The following ZNF462 variants were observed in gnomAD, a reference collection of about 807,000 sequenced individuals.
The protein encoded by ZNF462 is zinc finger PBX1-interacting protein.
In ZNF462, 10 loss-of-function variants were observed where a neutral mutation model predicts 201.9. The ratio of observed to expected loss-of-function variants is 0.05; its 90% CI spans 0.03 to 0.08. The LOEUF (loss-of-function observed/expected upper bound fraction) is 0.08, where lower values mean the gene tolerates loss of function less well. Ranked by LOEUF, ZNF462 falls within the 10% of genes least tolerant of loss-of-function variation. ZNF462 has a pLI of 1.00. For synonymous variants in ZNF462, 1,227 were observed against 1,193.3 expected, an observed-to-expected ratio of 1.03 and a Z score of -0.58; for missense variants, 2,523 against 3,168.3, an observed-to-expected ratio of 0.80 and a Z score of 4.89.
Position 107,008,929 on chromosome 9 carries a change from C to T in ZNF462, c.7190-616C>T, listed in dbSNP as rs1046321381. 2.6e-5 allele frequency among the ~76,000 whole-genome samples: 4 copies of T among 152,196 alleles called. No individual in the cohort carries two copies. Among genetic ancestry groups the T allele is most frequent in the Admixed American group, 2.6e-4 (4 of 15,288 alleles). Reference sequence around the variant, plus strand: ...ATGTGTTCACATACTGGTTCCCACTCATCCAGATAAATGTTCATGGTAGAT... The same window carrying T: ...ATGTGTTCACATACTGGTTCCCACTTATCCAGATAAATGTTCATGGTAGAT... On this transcript the variant is annotated intron_variant, in intron 11 of 12. Coordinates refer to ENST00000277225, the MANE Select transcript of ZNF462 (RefSeq NM_021224.6). The surrounding 1 kb of genome is among the most constrained non-coding windows in gnomAD (Gnocchi z 4.8).
chr9:106,944,699 A>G (rs1428843957), intron 7 of ZNF462, among the ~76,000 whole-genome samples: 1 of 152,148 alleles, frequency 6.6e-6, no homozygotes, highest in Non-Finnish European at 1.5e-5. Flanking sequence ...TTGTGTATCT[A>G]TTTACCACCC....
chr9:106,885,841 T>A lies in ZNF462; in HGVS notation c.-31+22486T>A, dbSNP rs546043790. On this transcript the variant is annotated intron_variant, in intron 1 of 12. Transcript: ENST00000277225. The surrounding 1 kb of genome is among the most constrained non-coding windows in gnomAD (Gnocchi z 4.1). ...GATGTTTTGGAGCCCACCTGATTCT[T>A]AAGAGTTTCCAGTTCCTCTATCCCT... Among the ~76,000 whole-genome samples, 15 of 152,294 alleles carry A rather than the reference T, an allele frequency of 9.8e-5. No individual in the cohort carries two copies. The East Asian group carries it at 2.9e-3, about 29-fold the overall frequency.
At position 106,920,384 on chromosome 9, in the gene ZNF462, CA is replaced by C. The variant is rs1326540769; in HGVS notation, c.-30-2969del. On this transcript the variant is annotated intron_variant, in intron 1 of 12. Transcript: ENST00000277225. The surrounding 1 kb of genome is among the most constrained non-coding windows in gnomAD (Gnocchi z 4.3). Reference sequence around the variant, plus strand: ...TATTTTCTTCTTCTGTCAGCGTCTTCAGGAGAAATGTGTACACAAAAGCAAG... The same window carrying C: ...TATTTTCTTCTTCTGTCAGCGTCTTCGGAGAAATGTGTACACAAAAGCAAG... Among the ~76,000 whole-genome samples, 1 of 152,162 alleles carries C rather than the reference CA, an allele frequency of 6.6e-6. No homozygotes were observed. Among genetic ancestry groups the C allele is most frequent in the African/African-American group, 2.4e-5 (1 of 41,440 alleles).
rs1705423839 is a variant in ZNF462, at chr9:106,919,096, A to G, written c.-30-4258A>G. ...CTTTATTTCTGGGCTGCAGTCCTTC[A>G]GTCAGAGAACAGGTTAGATCCAGGC... On this transcript the variant is annotated intron_variant, in intron 1 of 12. Transcript: ENST00000277225. The surrounding 1 kb of genome is among the most constrained non-coding windows in gnomAD (Gnocchi z 4.5). 6.6e-6 allele frequency among the ~76,000 whole-genome samples: 1 copy of G among 152,236 alleles called. No individual in the cohort carries two copies. The highest frequency in any genetic ancestry group is 2.4e-5 in the African/African-American group (1 of 41,462).
At position 106,993,784 on chromosome 9, in the gene ZNF462, G is replaced by A. The variant is rs1828477870; in HGVS notation, c.7056+9375G>A. Among the ~76,000 whole-genome samples, 1 of 151,900 alleles carries A rather than the reference G, an allele frequency of 6.6e-6. No homozygotes were observed. Among genetic ancestry groups the A allele is most frequent in the Admixed American group, 6.6e-5 (1 of 15,242 alleles). ...TTTTGAGTCAGGGTCTTGCTCTGTT[G>A]CCCAGGCTGAGGTGCAATGGCGCAA... On this transcript the variant is annotated intron_variant, in intron 10 of 12. Coordinates refer to ENST00000277225, the MANE Select transcript of ZNF462 (RefSeq NM_021224.6). The surrounding 1 kb of genome is among the most constrained non-coding windows in gnomAD (Gnocchi z 4.0).
rs945287854 is a variant in ZNF462 at position 107,008,901 on chromosome 9, G to T, written c.7190-644G>T. Among the ~76,000 whole-genome samples, 18 of 152,332 alleles carry T rather than the reference G, an allele frequency of 1.2e-4. No individual in the cohort carries two copies. The highest frequency in any genetic ancestry group is 4.3e-4 in the African/African-American group (18 of 41,582). On this transcript the variant is annotated intron_variant, in intron 11 of 12. Transcript: ENST00000277225. The surrounding 1 kb of genome is among the most constrained non-coding windows in gnomAD (Gnocchi z 4.8). ...TGGCCAGGATCTCTCAATAGCAGGG[G>T]ACATGTGTTCACATACTGGTTCCCA...
rs201360969 is a variant in ZNF462, at chr9:106,974,128, C to T, written c.6696-9C>T. 82 of 1,613,964 alleles carry T rather than the reference C, an allele frequency of 5.1e-5. 1 individual carries two copies. Among genetic ancestry groups the T allele is most frequent in the Admixed American group, 5.0e-5 (3 of 60,000 alleles). On this transcript the variant is annotated splice_polypyrimidine_tract_variant and intron_variant, in intron 8 of 12. Transcript: ENST00000277225. The surrounding 1 kb of genome is among the most constrained non-coding windows in gnomAD (Gnocchi z 4.0). ...CACGCATCACCTCTCCTCCCAAACT[C>T]TCTCCTAGATCTGCTTTTACTATGC...
At position 106,924,719 on chromosome 9, in the gene ZNF462, G is replaced by A; in HGVS notation, c.807G>A (p.Met269Ile). Residue 269 changes from methionine (M) to isoleucine (I), a missense_variant, in exon 3 of 13, where the codon ATG becomes ATA. Around this residue, in one of 15 missense-constraint regions of ZNF462, gnomAD observed 480 missense variants for 544.4 expected, o/e 0.88. Coordinates refer to ENST00000277225, the MANE Select transcript of ZNF462 (RefSeq NM_021224.6). The surrounding 1 kb of genome is among the most constrained non-coding windows in gnomAD (Gnocchi z 6.2). ...ACATGATGAAGAAACACCGCAGTAT[G>A]GTCAAGATCCTTTCCAGTCTCAGAC... ...CDHMMKKHRS[M>I]VKILSSLRQQ... 2 of 1,614,026 alleles carry A rather than the reference G, an allele frequency of 1.2e-6. No individual in the cohort carries two copies. The highest frequency in any genetic ancestry group is 1.7e-6 in the Non-Finnish European group (2 of 1,180,002).
At chr9:106,964,604 C>G (rs1831988411) in intron 7 of ZNF462, among the ~76,000 whole-genome samples, 1 of 152,010 alleles carries the variant, frequency 6.6e-6, no homozygotes, top group African/African-American at 2.4e-5. Context: ...AGTCTTAGAG[C>G]AGAGTCCTTC....
chr9:106,996,652 G>A (rs1215184160), intron 10 of ZNF462, among the ~76,000 whole-genome samples: 1 of 152,114 alleles, frequency 6.6e-6, no homozygotes, highest in Non-Finnish European at 1.5e-5. Context: ...CCCACTTTTT[G>A]ATGGGGTTGT....
At chr9:106,863,980 T>C (rs1827174274) in intron 1 of ZNF462, among the ~76,000 whole-genome samples, 2 of 149,618 alleles carry the variant, frequency 1.3e-5, no homozygotes. Flanking sequence ...TGTCTGCCTG[T>C]CCCCCGCCCG....
At chr9:106,912,322 C>T (rs1271147683) in intron 1 of ZNF462, among the ~76,000 whole-genome samples, 2 of 152,238 alleles carry the variant, frequency 1.3e-5, no homozygotes, top group Non-Finnish European at 1.5e-5. Context: ...TTGTCAGCAA[C>T]TTTCAGTCTT....
intron 1 of ZNF462, among the ~76,000 whole-genome samples, chr9:106,871,543 G>T (rs973520364): frequency 6.6e-6 from 1 of 152,178 alleles, no homozygotes; most frequent in Non-Finnish European, 1.5e-5. Flanking sequence ...TTAAGAAAGC[G>T]ATTATAGCAA....
At position 107,006,416 on chromosome 9, in the gene ZNF462, T is replaced by C. The variant is rs909811095; in HGVS notation, c.7189+2990T>C. 2.0e-5 allele frequency among the ~76,000 whole-genome samples: 3 copies of C among 152,134 alleles called. No individual in the cohort carries two copies. Among genetic ancestry groups the C allele is most frequent in the Non-Finnish European group, 4.4e-5 (3 of 68,020 alleles). On this transcript the variant is annotated intron_variant, in intron 11 of 12. Coordinates refer to ENST00000277225, the MANE Select transcript of ZNF462 (RefSeq NM_021224.6). This position sits in a 1 kb window ranked among gnomAD's most constrained non-coding sequence, Gnocchi z 4.3. ...AGACCAAATTCAATTCAAATTTACA[T>C]CTTCTGGCTCCAAAGGCAAGCCCTC... is the stretch of plus-strand genomic sequence containing the variant.
At chr9:106,863,676 G>GCTGCTC (rs1412582181) in intron 1 of ZNF462, among the ~76,000 whole-genome samples, 1 of 152,106 alleles carries the variant, frequency 6.6e-6, no homozygotes, top group African/African-American at 2.4e-5. Flanking sequence ...CCTGCTGGCT[G>GCTGCTC]CTGCTCCTGC....
chr9:106,907,600 C>A (rs1432552315), intron 1 of ZNF462, among the ~76,000 whole-genome samples: 1 of 151,776 alleles, frequency 6.6e-6, no homozygotes, highest in East Asian at 1.9e-4. Flanking sequence ...TTATGTTTTG[C>A]CCTACTCCCT....
chr9:106,895,076 T>C lies in ZNF462; in HGVS notation c.-30-28278T>C, dbSNP rs1439791423. 6.6e-6 allele frequency among the ~76,000 whole-genome samples: 1 copy of C among 152,214 alleles called. No individual in the cohort carries two copies. Among genetic ancestry groups the C allele is most frequent in the Non-Finnish European group, 1.5e-5 (1 of 68,028 alleles). On this transcript the variant is annotated intron_variant, in intron 1 of 12. Coordinates refer to ENST00000277225, the MANE Select transcript of ZNF462 (RefSeq NM_021224.6). This position sits in a 1 kb window ranked among gnomAD's most constrained non-coding sequence, Gnocchi z 4.4. ...ATACCATTAGCATAGGTTGATGCAC[T>C]GCTTCTGAGTACCCTTTGTTTAAAC...
chr9:106,947,799 A>G (rs1384001841), intron 7 of ZNF462, among the ~76,000 whole-genome samples: 1 of 152,174 alleles, frequency 6.6e-6, no homozygotes, highest in Non-Finnish European at 1.5e-5. Context: ...AGTGGGGTCT[A>G]GTAGCAAAAA....
In ZNF462 at chr9:106,932,118, G is replaced by A; in HGVS notation, c.6013-328G>A. ...GCAGTTGGGCTTGCTCTCCCTCTAG[G>A]GGTAGCTGGAGAGGCAGGGGAGGAA... On this transcript the variant is annotated intron_variant, in intron 4 of 12. Transcript: ENST00000277225. This position sits in a 1 kb window ranked among gnomAD's most constrained non-coding sequence, Gnocchi z 6.8. The A allele has an allele frequency of 7.9e-7, 1 of 1,273,688 alleles. No individual in the cohort carries two copies. 78.9% of individuals were successfully genotyped at this position (1,273,688 alleles called of 1,614,324 possible).
Sources: gnomAD v4.1 joint callset for allele counts (sites outside exome capture counted in the v4.1 genomes callset) on GRCh38, gnomAD v4.1.1 for gene constraint, gnomAD v4.1.1 regional missense constraint, Gnocchi (gnomAD v3.1) non-coding constraint, MANE v1.5 for transcripts, NCBI Gene and HGNC (gene_info 2026-07-23, HGNC 2026-07-21) for gene names.